Variants in SLC24A2 observed in about 807,000 individuals in gnomAD.
SLC24A2 encodes the protein solute carrier family 24 member 2, also known as sodium/potassium/calcium exchanger 2.
SLC24A2 carries 36 observed loss-of-function variants against 62.0 expected under a neutral mutation model. The observed-to-expected ratio is 0.58, with a 90% CI of 0.44 to 0.77. The LOEUF is 0.77. Among genes scored for constraint, SLC24A2 ranks in the 30% least tolerant of loss-of-function variants. SLC24A2 has a pLI of 0.00. For missense variants in SLC24A2, 846 were observed against 817.9 expected (o/e 1.03, Z -0.42); for synonymous variants, 358 against 294.0 (o/e 1.22, Z -2.23).
At chr9:19,579,924 T>C (rs921636995) in intron 5 of SLC24A2, among the ~76,000 whole-genome samples, 3 of 152,200 alleles carry the variant, frequency 2.0e-5, no homozygotes, top group Admixed American at 1.3e-4. Flanking sequence ...ATGGGCTGGT[T>C]TTCCCCAAAT....
the SLC24A2 span, among the ~76,000 whole-genome samples, chr9:20,049,881 G>A: frequency 1.3e-5 from 2 of 152,138 alleles, no homozygotes; most frequent in East Asian, 1.9e-4. Flanking sequence ...TGGCCACTCA[G>A]GAAGATGGGC....
chr9:19,992,739 A>G, the SLC24A2 span, among the ~76,000 whole-genome samples: 1 of 152,196 alleles, frequency 6.6e-6, no homozygotes, highest in Non-Finnish European at 1.5e-5. Context: ...TCCTCTGCAC[A>G]TTGGCAGAAA....
At chr9:19,587,666 T>A (rs568714357) in intron 5 of SLC24A2, among the ~76,000 whole-genome samples, 27 of 150,790 alleles carry the variant, frequency 1.8e-4, no homozygotes, top group African/African-American at 4.7e-4. Context: ...TTTTTTTTTT[T>A]AAAGAGCTTC....
chr9:20,150,411 T>C, the SLC24A2 span, among the ~76,000 whole-genome samples: 1 of 151,972 alleles, frequency 6.6e-6, no homozygotes, highest in Non-Finnish European at 1.5e-5. Flanking sequence ...GAAAACTATA[T>C]ATAGTAGATA....
chr9:19,737,210 C>G (rs1232163234), intron 2 of SLC24A2, among the ~76,000 whole-genome samples: 1 of 152,168 alleles, frequency 6.6e-6, no homozygotes, highest in Non-Finnish European at 1.5e-5. Flanking sequence ...TTCTACATAT[C>G]TGAATGTGTT....
At chr9:19,987,490 C>A in the SLC24A2 span, among the ~76,000 whole-genome samples, 3 of 152,104 alleles carry the variant, frequency 2.0e-5, no homozygotes, top group East Asian at 5.8e-4. Context: ...GAACATATAG[C>A]AAATCTATTC....
chr9:19,983,827 C>T, the SLC24A2 span, among the ~76,000 whole-genome samples: 7 of 152,064 alleles, frequency 4.6e-5, no homozygotes, highest in East Asian at 1.4e-3. Context: ...AAGACTTGTA[C>T]ACTGAAAACA....
chr9:20,278,779 G>C, the SLC24A2 span, among the ~76,000 whole-genome samples: 1 of 152,146 alleles, frequency 6.6e-6, no homozygotes, highest in Non-Finnish European at 1.5e-5. Flanking sequence ...TACCTGCCCA[G>C]TTCCAAAGTC....
In SLC24A2 at chr9:19,628,039, A is replaced by G. The variant is rs148626943; in HGVS notation, c.931-5740T>C. 1.1e-4 allele frequency among the ~76,000 whole-genome samples: 17 copies of G among 152,324 alleles called. No homozygotes were observed. In the East Asian group the frequency reaches 3.3e-3, roughly 29 times the overall value. ...GCCTCTCACAGAATTGACAAGCTAT[A>G]TGGAATGTATTAATATCTTTTACCC... On this transcript the variant is annotated intron_variant, in intron 2 of 10. Coordinates refer to ENST00000341998, the MANE Select transcript of SLC24A2 (RefSeq NM_020344.4).
At chr9:19,659,684 C>A (rs774927786) in intron 2 of SLC24A2, among the ~76,000 whole-genome samples, 1 of 152,146 alleles carries the variant, frequency 6.6e-6, no homozygotes, top group Non-Finnish European at 1.5e-5. Flanking sequence ...ATTTTTAACA[C>A]TGATGACATG....
the SLC24A2 span, among the ~76,000 whole-genome samples, chr9:20,110,398 T>G: frequency 6.6e-6 from 1 of 152,106 alleles, no homozygotes; most frequent in African/African-American, 2.4e-5. Flanking sequence ...CTGTAAATAA[T>G]CAAATCAACG....
chr9:19,810,667 T>C, the SLC24A2 span, among the ~76,000 whole-genome samples: 1 of 152,234 alleles, frequency 6.6e-6, no homozygotes, highest in African/African-American at 2.4e-5. Flanking sequence ...TAGCCAGTTA[T>C]AAGGAAAACC....
chr9:19,773,168 T>A (rs537276612), intron 2 of SLC24A2, among the ~76,000 whole-genome samples: 2 of 152,102 alleles, frequency 1.3e-5, no homozygotes, highest in African/African-American at 2.4e-5. Flanking sequence ...GAGGGAGGAA[T>A]TGGGAGAGAC....
intron 2 of SLC24A2, among the ~76,000 whole-genome samples, chr9:19,709,543 G>A (rs902312691): frequency 7.2e-5 from 11 of 151,844 alleles, no homozygotes; most frequent in African/African-American, 2.4e-4. Context: ...AAGAAAATGT[G>A]GCACATATAC....
At chr9:19,634,281 CTTTTTTTTTTTTT>C (rs35884916) in intron 2 of SLC24A2, among the ~76,000 whole-genome samples, 4 of 79,296 alleles carry the variant, frequency 5.0e-5, no homozygotes, top group East Asian at 4.2e-4. Context: ...ACTGCAGCCT[CTTTTTTTTTTTTT>C]TTTTTTTTTT....
chr9:19,588,711 A>G (rs758286608), intron 5 of SLC24A2, among the ~76,000 whole-genome samples: 6 of 152,218 alleles, frequency 3.9e-5, no homozygotes, highest in Non-Finnish European at 8.8e-5. Flanking sequence ...CTGTAATCCT[A>G]GCACATTGGG....
the SLC24A2 span, among the ~76,000 whole-genome samples, chr9:20,183,916 C>T: frequency 1.7e-4 from 26 of 152,072 alleles, no homozygotes; most frequent in South Asian, 4.8e-3. Context: ...GTACTCAGCC[C>T]CATCAAACTC....
rs1028229566 is a variant in SLC24A2 at position 19,773,344 on chromosome 9, G to C, written c.930+12593C>G. ...ATCTCAGAAAAGCTGTTATTAAAAA[G>C]TCAATAGAGAAACATTATATAAGGC... On this transcript the variant is annotated intron_variant, in intron 2 of 10. Transcript: ENST00000341998. Among the ~76,000 whole-genome samples the C allele has an allele frequency of 4.6e-5, 7 of 152,184 alleles. No individual in the cohort carries two copies. In the East Asian group the frequency reaches 1.3e-3, roughly 29 times the overall value.
intron 2 of SLC24A2, among the ~76,000 whole-genome samples, chr9:19,666,580 A>G (rs1341697761): frequency 2.0e-5 from 3 of 152,198 alleles, no homozygotes; most frequent in Non-Finnish European, 4.4e-5. Flanking sequence ...TTGTGCAACT[A>G]TAAGGTATTT....
Sources: allele counts gnomAD v4.1 joint callset (sites outside exome capture counted in the v4.1 genomes callset), GRCh38; gene constraint gnomAD v4.1.1; transcripts MANE v1.5; gene names NCBI Gene and HGNC (gene_info 2026-07-23, HGNC 2026-07-21).